Variants in RGS5 observed in about 807,000 individuals in gnomAD.
RGS5 encodes the protein regulator of G protein signaling 5, also known as regulator of G-protein signalling 5.
Under a neutral mutation model 18.9 loss-of-function variants are expected in RGS5, and 20 were observed. The observed-to-expected ratio is 1.06, with a 90% CI of 0.74 to 1.54. The LOEUF (loss-of-function observed/expected upper bound fraction) is 1.54. Among genes scored for constraint, RGS5 ranks in the 40% most tolerant of loss-of-function variants. The pLI is 0.00. For missense variants in RGS5, 201 were observed against 211.8 expected, an observed-to-expected ratio of 0.95 and a Z score of 0.32; for synonymous variants, 57 against 76.2, an observed-to-expected ratio of 0.75 and a Z score of 1.31.
At chr1:163,252,255 G>C (rs1483482287) in intron 2 of RGS5, among the ~76,000 whole-genome samples, 11 of 151,678 alleles carry the variant, frequency 7.3e-5, no homozygotes, top group Non-Finnish European at 7.4e-5. Context: ...TTGATGTAAT[G>C]CCTTTCTTGT....
At position 163,161,974 on chromosome 1, in the gene RGS5, G is replaced by A; in HGVS notation, c.158C>T (p.Thr53Ile). Residue 53 changes from threonine (T) to isoleucine (I), a missense_variant and splice_region_variant, in exon 3 of 5, where the codon ACC becomes ATC. Transcript: ENST00000313961. Reference sequence around the variant, plus strand: ...CCACTGCAGGGCCTCGTCCAGCGAGGTTCTACATCAATAATAAGGAGAGAA... The same window carrying A: ...CCACTGCAGGGCCTCGTCCAGCGAGATTCTACATCAATAATAAGGAGAGAA... Reference protein sequence around the residue: ...KPEKPAKTQKTSLDEALQWRD... With the variant: ...KPEKPAKTQKISLDEALQWRD... The A allele has an allele frequency of 6.2e-7, 1 of 1,612,436 alleles. No individual in the cohort carries two copies. The highest frequency in any genetic ancestry group is 8.5e-7 in the Non-Finnish European group (1 of 1,178,618).
At chr1:163,303,395 A>T (rs1649614045) in intron 2 of RGS5, among the ~76,000 whole-genome samples, 1 of 152,220 alleles carries the variant, frequency 6.6e-6, no homozygotes, top group Non-Finnish European at 1.5e-5. Context: ...TCATAGTGGT[A>T]ATTTAGTCCA....
chr1:163,198,358 T>C (rs1659650339), intron 1 of RGS5, among the ~76,000 whole-genome samples: 2 of 152,128 alleles, frequency 1.3e-5, no homozygotes, highest in African/African-American at 4.8e-5. Flanking sequence ...ATCAGATCTA[T>C]GCCAGTCACC....
At chr1:163,312,918 G>A (rs1036136991) in intron 1 of RGS5, among the ~76,000 whole-genome samples, 15 of 152,296 alleles carry the variant, frequency 9.8e-5, no homozygotes, top group African/African-American at 3.1e-4. Flanking sequence ...TACCTGCCAA[G>A]TCTGATTTAT....
At chr1:163,202,943 A>C, upstream of RGS5, 1 of 1,011,394 alleles carries the variant, frequency 9.9e-7, no homozygotes, top group Non-Finnish European at 1.5e-6. Context: ...TGAGGTATAT[A>C]TAGAAGCTCT....
chr1:163,256,770 G>A (rs1041350370), intron 2 of RGS5, among the ~76,000 whole-genome samples: 4 of 152,156 alleles, frequency 2.6e-5, no homozygotes, highest in Non-Finnish European at 5.9e-5. Flanking sequence ...GGTGTTGGAG[G>A]AGAGAGAGGC....
At chr1:163,235,438 A>G (rs1030115954) in intron 2 of RGS5, among the ~76,000 whole-genome samples, 2 of 152,248 alleles carry the variant, frequency 1.3e-5, no homozygotes, top group African/African-American at 4.8e-5. Context: ...TAACTGGTCT[A>G]TAGGAATTCT....
chr1:163,163,778 A>G (rs1008685447), intron 2 of RGS5, among the ~76,000 whole-genome samples: 1 of 152,222 alleles, frequency 6.6e-6, no homozygotes, highest in Non-Finnish European at 1.5e-5. Context: ...ACATTAAATT[A>G]TTAGACAAAA....
chr1:163,273,688 A>G (rs1648779198), intron 2 of RGS5, among the ~76,000 whole-genome samples: 1 of 152,164 alleles, frequency 6.6e-6, no homozygotes, highest in Admixed American at 6.5e-5. Context: ...GACAGTTTAT[A>G]TGAACTGTTA....
rs1404009774 is a variant in RGS5 at position 163,144,903 on chromosome 1, T to C, written c.*2439A>G. On this transcript the variant is annotated 3_prime_UTR_variant, in exon 5 of 5. Transcript: ENST00000313961. ...ATATTTGTATTCTTTTTAATTTTTT[T>C]ACTTCATTTATTAGAAGAGTTTCTA... 6.6e-6 allele frequency: 1 copy of C among 152,354 alleles called. No homozygotes were observed. The highest frequency in any genetic ancestry group is 1.5e-5 in the Non-Finnish European group (1 of 68,012). The allele number at this position is 152,354 out of a possible 1,614,324, so 9.4% of individuals were successfully genotyped here.
chr1:163,292,814 CTTCTT>C (rs1649323761), intron 2 of RGS5, among the ~76,000 whole-genome samples: 1 of 152,076 alleles, frequency 6.6e-6, no homozygotes, highest in East Asian at 1.9e-4. Context: ...GCATGTATGT[CTTCTT>C]TTGAGATGTT....
chr1:163,191,298 T>C (rs915438399), intron 1 of RGS5, among the ~76,000 whole-genome samples: 3 of 151,598 alleles, frequency 2.0e-5, no homozygotes, highest in Non-Finnish European at 4.4e-5. Context: ...GACCCTAGAG[T>C]GCGTTTTGCT....
At chr1:163,297,334 TAA>T (rs1649446434) in intron 2 of RGS5, among the ~76,000 whole-genome samples, 2 of 152,282 alleles carry the variant, frequency 1.3e-5, no homozygotes, top group East Asian at 1.9e-4. Context: ...TTTTGATCAG[TAA>T]AGAGTCCAGT....
intron 1 of RGS5, among the ~76,000 whole-genome samples, chr1:163,185,585 G>T (rs2102420801): frequency 6.6e-6 from 1 of 152,158 alleles, no homozygotes; most frequent in African/African-American, 2.4e-5. Context: ...AATGTTCCTT[G>T]CAAGGGGCCC....
At chr1:163,221,488 AAATCAATC>A (rs531668371), upstream of RGS5, among the ~76,000 whole-genome samples, 797 of 147,586 alleles carry the variant, frequency 5.4e-3, 15 homozygotes, top group African/African-American at 0.019. Context: ...TACATCTCAA[AAATCAATC>A]AATCAATCAA....
chr1:163,271,022 G>C (rs1365167116), intron 2 of RGS5, among the ~76,000 whole-genome samples: 1 of 152,068 alleles, frequency 6.6e-6, no homozygotes, highest in Non-Finnish European at 1.5e-5. Flanking sequence ...TTTTAGTAGA[G>C]TTATAGTTTT....
At chr1:163,212,863 C>T (rs1302531311) in intron 1 of RGS5, 2 of 152,192 alleles carry the variant, frequency 1.3e-5, no homozygotes, top group African/African-American at 4.8e-5. Context: ...ATTAATCTCA[C>T]ACTATTTTGT....
chr1:163,216,210 G>A (rs1571298245), intron 1 of RGS5, among the ~76,000 whole-genome samples: 1 of 152,114 alleles, frequency 6.6e-6, no homozygotes, highest in Non-Finnish European at 1.5e-5. Flanking sequence ...TCCTTACCCC[G>A]TCTCAGCCCC....
rs1657067587 is a variant in RGS5 at position 163,144,817 on chromosome 1, A to G, written c.*2525T>C. On this transcript the variant is annotated 3_prime_UTR_variant, in exon 5 of 5. Transcript: ENST00000313961. ...TTCTAAGTTTCCAAAAACTTTCAGA[A>G]GTGTTCAAAGAAATTTTCTTGAACA... The G allele has an allele frequency of 6.6e-6, 1 of 152,610 alleles. No homozygotes were observed. Among genetic ancestry groups the G allele is most frequent in the African/African-American group, 2.4e-5 (1 of 41,454 alleles). The allele number at this position is 152,610 out of a possible 1,614,324, so 9.5% of individuals were successfully genotyped here. A position where few individuals can be genotyped will look rare whatever the true frequency, so the allele number is the denominator to read the frequency against.
Sources: gnomAD v4.1 joint callset for allele counts (sites outside exome capture counted in the v4.1 genomes callset) on GRCh38, gnomAD v4.1.1 for gene constraint, MANE v1.5 for transcripts, NCBI Gene and HGNC (gene_info 2026-07-23, HGNC 2026-07-21) for gene names.